SYT2: variants seen among roughly 807,000 people sequenced by gnomAD.
SYT2 encodes the protein synaptotagmin-2.
In SYT2, 15 loss-of-function variants were observed where a neutral mutation model predicts 39.9. That is an observed-to-expected ratio of 0.38 (90% CI 0.25 to 0.58). The LOEUF is 0.58. Ranked by LOEUF, SYT2 falls within the 20% of genes least tolerant of loss-of-function variation. The probability of loss-of-function intolerance (pLI) is 0.70; values close to 1 mark genes in which losing one functional copy is unlikely to be tolerated. For synonymous variants in SYT2, 181 were observed against 204.5 expected, an observed-to-expected ratio of 0.89 and a Z score of 0.98; for missense variants, 389 against 530.3, an observed-to-expected ratio of 0.73 and a Z score of 2.62.
intron 1 of SYT2, among the ~76,000 whole-genome samples, chr1:202,648,262 C>A (rs1256976539): frequency 6.6e-6 from 1 of 151,106 alleles, no homozygotes; most frequent in East Asian, 2.0e-4. Flanking sequence ...CTCACCGCAA[C>A]CTCCGCCTCC....
chr1:202,650,989 G>A (rs1031542619), intron 1 of SYT2, among the ~76,000 whole-genome samples: 6 of 152,294 alleles, frequency 3.9e-5, no homozygotes, highest in Admixed American at 2.6e-4. Flanking sequence ...AGAAGGGGCC[G>A]GGAGTGGGGT....
intron 1 of SYT2, among the ~76,000 whole-genome samples, chr1:202,675,185 A>G (rs1291699019): frequency 1.3e-5 from 2 of 152,066 alleles, no homozygotes; most frequent in Non-Finnish European, 2.9e-5. Context: ...GAAAAATAAG[A>G]TGTGGTGAAT....
intron 1 of SYT2, 37 bp from the exon 2 acceptor site, chr1:202,605,826 C>T (rs1394926292): frequency 6.5e-7 from 1 of 1,546,166 alleles, no homozygotes; most frequent in Admixed American, 1.8e-5. Context: ...GGTGAGCATC[C>T]AGAGGTCGTC....
chr1:202,603,979 G>A lies in SYT2; in HGVS notation c.345+476C>T, dbSNP rs935894078. Among the ~76,000 whole-genome samples the A allele has an allele frequency of 1.2e-4, 18 of 152,214 alleles. No individual in the cohort carries two copies. In the East Asian group the frequency reaches 3.3e-3, roughly 28 times the overall value. ...AGGCTGACCAACACCAAAAGACAGG[G>A]GAAAATAAATTATGATATGATTAAT... is the stretch of plus-strand genomic sequence containing the variant. On this transcript the variant is annotated intron_variant, in intron 3 of 8. Coordinates refer to ENST00000367268, the MANE Select transcript of SYT2 (RefSeq NM_177402.5).
intron 1 of SYT2, among the ~76,000 whole-genome samples, chr1:202,651,757 A>G (rs1179870192): frequency 6.6e-6 from 1 of 152,256 alleles, no homozygotes; most frequent in Admixed American, 6.5e-5. Context: ...ACAGAAGAAT[A>G]TGTTTAAATA....
intron 1 of SYT2, among the ~76,000 whole-genome samples, chr1:202,671,707 G>A (rs780811720): frequency 9.2e-5 from 14 of 152,124 alleles, no homozygotes; most frequent in Non-Finnish European, 8.8e-5. Context: ...CTTTAGAATC[G>A]ACCCCAAAGG....
chr1:202,602,277 C>T, intron 5 of SYT2, 101 bp downstream of exon 5: 1 of 1,387,668 alleles, frequency 7.2e-7, no homozygotes, highest in Non-Finnish European at 1.0e-6. Context: ...TGCCATTGTT[C>T]CAGGCTGAGC....
rs189500408 is a variant in SYT2, at chr1:202,702,839, A to G, written c.-18+7419T>C. Reference sequence around the variant, plus strand: ...GTTAAATGGGCTTTTCTCCAAATAAACACAGGAGGCAGAAGACAAGGACAG... The same window carrying G: ...GTTAAATGGGCTTTTCTCCAAATAAGCACAGGAGGCAGAAGACAAGGACAG... On this transcript the variant is annotated intron_variant, in intron 1 of 8. Coordinates refer to ENST00000367268, the MANE Select transcript of SYT2 (RefSeq NM_177402.5). 8.3e-4 allele frequency among the ~76,000 whole-genome samples: 127 copies of G among 152,242 alleles called. 1 individual carries two copies. In the East Asian group the frequency reaches 0.014, roughly 17 times the overall value.
At chr1:202,648,742 C>T (rs1414282398) in intron 1 of SYT2, among the ~76,000 whole-genome samples, 1 of 152,126 alleles carries the variant, frequency 6.6e-6, no homozygotes, top group African/African-American at 2.4e-5. Context: ...CAGTCAGGCT[C>T]CAGACATATA....
Position 202,590,655 on chromosome 1 carries a change from CAA to C in SYT2, c.*6100_*6101del, listed in dbSNP as rs999712946. 18 of 150,730 alleles carry C rather than the reference CAA, an allele frequency of 1.2e-4. No homozygotes were observed. The highest frequency in any genetic ancestry group is 4.2e-4 in the African/African-American group (17 of 40,948). The allele number at this position is 150,730 out of a possible 1,614,324, so 9.3% of individuals were successfully genotyped here. A position where few individuals can be genotyped will look rare whatever the true frequency, so the allele number is the denominator to read the frequency against. On this transcript the variant is annotated 3_prime_UTR_variant, in exon 9 of 9. Transcript: ENST00000367268. Reference sequence around the variant, plus strand: ...AGTTCATTACAAAATAACAATTTGACAAGAGATCAGACAAGAACAAGAGTCCA... The same window carrying C: ...AGTTCATTACAAAATAACAATTTGACGAGATCAGACAAGAACAAGAGTCCA...
chr1:202,635,290 G>A (rs1454660751), intron 1 of SYT2, among the ~76,000 whole-genome samples: 1 of 152,094 alleles, frequency 6.6e-6, no homozygotes, highest in Non-Finnish European at 1.5e-5. Flanking sequence ...CTTGGGGAAA[G>A]CCTCCATTCC....
chr1:202,620,364 C>T (rs542625895), intron 1 of SYT2, among the ~76,000 whole-genome samples: 24 of 152,302 alleles, frequency 1.6e-4, no homozygotes, highest in Admixed American at 5.9e-4. Flanking sequence ...TAGTTAACTG[C>T]CTCTGGCCCC....
chr1:202,626,398 CTT>C (rs58802666), intron 1 of SYT2, among the ~76,000 whole-genome samples: 1,009 of 72,352 alleles, frequency 0.014, 12 homozygotes, highest in Middle Eastern at 0.064. Context: ...AGCCTCTCAG[CTT>C]TTTTTTTTTT....
chr1:202,657,308 A>G (rs887105134), intron 1 of SYT2, among the ~76,000 whole-genome samples: 2 of 152,174 alleles, frequency 1.3e-5, no homozygotes, highest in African/African-American at 4.8e-5. Context: ...TCTCAAGGGC[A>G]CCCTTTAGAA....
intron 1 of SYT2, among the ~76,000 whole-genome samples, chr1:202,652,492 C>G (rs1572659186): frequency 6.6e-6 from 1 of 152,210 alleles, no homozygotes; most frequent in Non-Finnish European, 1.5e-5. Flanking sequence ...GCATCCTTGA[C>G]AGCAATGGAG....
chr1:202,710,385 C>G lies in SYT2; in HGVS notation c.-145G>C, dbSNP rs1654366937. On this transcript the variant is annotated 5_prime_UTR_variant, in exon 1 of 9. Transcript: ENST00000367268. ...CGTTCCCCTGGGGGCGCGAAGTCCCCGCTCCACCGCTGCCCCAACTCGGCT... is the reference window on the plus strand; with the variant it reads ...CGTTCCCCTGGGGGCGCGAAGTCCCGGCTCCACCGCTGCCCCAACTCGGCT... The G allele has an allele frequency of 6.6e-6, 1 of 152,334 alleles. No homozygotes were observed. The highest frequency in any genetic ancestry group is 1.5e-5 in the Non-Finnish European group (1 of 68,110). 9.4% of individuals were successfully genotyped at this position (152,334 alleles called of 1,614,324 possible).
chr1:202,704,158 A>G (rs1359666875), intron 1 of SYT2, among the ~76,000 whole-genome samples: 1 of 152,122 alleles, frequency 6.6e-6, no homozygotes, highest in East Asian at 1.9e-4. Context: ...TTTGTGATTG[A>G]GGAAAGCCTT....
intron 1 of SYT2, among the ~76,000 whole-genome samples, chr1:202,703,264 G>A (rs1472314991): frequency 1.9e-4 from 17 of 89,422 alleles, no homozygotes; most frequent in Admixed American, 9.6e-4. Context: ...TCCCACCCCC[G>A]GCCACCGCTC....
At chr1:202,693,406 C>T (rs184733535) in intron 1 of SYT2, among the ~76,000 whole-genome samples, 3 of 152,260 alleles carry the variant, frequency 2.0e-5, no homozygotes, top group East Asian at 1.9e-4. Flanking sequence ...TTCTACTCAT[C>T]GCCTGCATCT....
Sources: gnomAD v4.1 joint callset for allele counts (sites outside exome capture counted in the v4.1 genomes callset) on GRCh38, gnomAD v4.1.1 for gene constraint, MANE v1.5 for transcripts, NCBI Gene and HGNC (gene_info 2026-07-23, HGNC 2026-07-21) for gene names.